The following SULF1 variants were observed in gnomAD, a reference collection of about 807,000 sequenced individuals.
SULF1 encodes sulfatase 1, also known as extracellular sulfatase Sulf-1.
A neutral mutation model predicts 110.5 loss-of-function variants in SULF1; 46 were observed. The observed-to-expected ratio is 0.42, with a 90% confidence interval of 0.33 to 0.53. The LOEUF is 0.53. Ranked by LOEUF, SULF1 falls within the 20% of genes least tolerant of loss-of-function variation. The pLI, the probability that SULF1 is intolerant of heterozygous loss-of-function variation, is 0.12. For missense variants in SULF1, 941 were observed against 1,094.2 expected, an observed-to-expected ratio of 0.86 and a Z score of 1.98; for synonymous variants, 371 against 387.1, an observed-to-expected ratio of 0.96 and a Z score of 0.49.
At chr8:69,507,737 T>A (rs1811294714) in intron 3 of SULF1, among the ~76,000 whole-genome samples, 1 of 152,178 alleles carries the variant, frequency 6.6e-6, no homozygotes. Context: ...GCAAAAAAAA[T>A]ATTTTTTAGT....
chr8:69,516,085 T>A (rs1192833410), intron 3 of SULF1, among the ~76,000 whole-genome samples: 1 of 152,222 alleles, frequency 6.6e-6, no homozygotes, highest in African/African-American at 2.4e-5. Flanking sequence ...CATTACCCAG[T>A]TCCAAAGTCA....
Position 69,600,699 on chromosome 8 carries a change from T to G in SULF1, c.831T>G (p.Ile277Met). 4 of 1,614,062 alleles carry G rather than the reference T, an allele frequency of 2.5e-6. No individual in the cohort carries two copies. Among genetic ancestry groups the G allele is most frequent in the Non-Finnish European group, 3.4e-6 (4 of 1,179,956 alleles). The change falls in exon 9 of 23, where the codon ATT becomes ATG. Residue 277 changes from isoleucine (I) to methionine (M), a missense_variant. Ile to Met is a conservative substitution (Grantham distance 10). Coordinates refer to ENST00000402687, the MANE Select transcript of SULF1 (RefSeq NM_001128205.2). ...MLPIHMEFTN[I>M]LQRKRLQTLM... ...CCATCCACATGGAATTTACAAACAT[T>G]CTACAGCGCAAAAGGCTCCAGACTT... is the stretch of plus-strand genomic sequence containing the variant.
chr8:69,641,023 A>T lies in SULF1; in HGVS notation c.2585+182A>T, dbSNP rs1241256501. The stretch of plus-strand genomic sequence containing the variant: ...TCACAGAACTGTCATTTTGCTTTTA[A>T]ATCAGCTCACTGTCCCATCAAGATG... On this transcript the variant is annotated intron_variant, in intron 22 of 22. Transcript: ENST00000402687. 4 of 491,746 alleles carry T rather than the reference A, an allele frequency of 8.1e-6. No individual in the cohort carries two copies. In the South Asian group the frequency reaches 1.2e-4, roughly 15 times the overall value. The allele number at this position is 491,746 out of a possible 1,614,324, so 30.5% of individuals were successfully genotyped here. A position where few individuals can be genotyped will look rare whatever the true frequency, so the allele number is the denominator to read the frequency against.
At chr8:69,498,529 T>C (rs1376135526) in intron 2 of SULF1, among the ~76,000 whole-genome samples, 3 of 152,242 alleles carry the variant, frequency 2.0e-5, no homozygotes, top group African/African-American at 7.2e-5. Flanking sequence ...TGAGGGATCC[T>C]GAAACCTGAC....
intron 3 of SULF1, among the ~76,000 whole-genome samples, chr8:69,523,905 G>A (rs1018368125): frequency 2.6e-5 from 4 of 152,060 alleles, no homozygotes; most frequent in African/African-American, 9.7e-5. Flanking sequence ...GAGTGGCTTG[G>A]GGAGAGGAGG....
intron 13 of SULF1, among the ~76,000 whole-genome samples, chr8:69,616,851 C>T (rs548443466): frequency 3.3e-5 from 5 of 152,052 alleles, no homozygotes; most frequent in African/African-American, 1.2e-4. Context: ...CCACACCCGG[C>T]CTCAAGAATA....
At chr8:69,510,868 C>T (rs1313846809) in intron 3 of SULF1, among the ~76,000 whole-genome samples, 1 of 151,950 alleles carries the variant, frequency 6.6e-6, no homozygotes, top group East Asian at 1.9e-4. Context: ...CCACCCACCT[C>T]AGACTCCCAA....
chr8:69,524,057 A>G (rs1250056647), intron 3 of SULF1, among the ~76,000 whole-genome samples: 1 of 152,148 alleles, frequency 6.6e-6, no homozygotes, highest in African/African-American at 2.4e-5. Flanking sequence ...TCCTAGGGTC[A>G]GTCAATAACT....
In SULF1 at chr8:69,601,797, T is replaced by A. The variant is rs1393389615; in HGVS notation, c.1029T>A (p.Phe343Leu). The change falls in exon 10 of 23, where the codon TTT becomes TTA. Residue 343 changes from phenylalanine (F) to leucine (L), a missense_variant. By Grantham distance (22) the Phe-to-Leu change is conservative. Around this residue, in one of 3 missense-constraint regions of SULF1, gnomAD observed 822 missense variants for 934.3 expected, o/e 0.88. Coordinates refer to ENST00000402687, the MANE Select transcript of SULF1 (RefSeq NM_001128205.2). ...PYDFDIRVPF[F>L]IRGPSVEPGS... ...ACTTTGATATTCGTGTGCCTTTTTT[T>A]ATTCGTGGTCCAAGTGTAGAACCAG... 5 of 1,611,056 alleles carry A rather than the reference T, an allele frequency of 3.1e-6. No individual in the cohort carries two copies. The South Asian group carries it at 4.4e-5, about 14-fold the overall frequency.
intron 3 of SULF1, among the ~76,000 whole-genome samples, chr8:69,553,499 A>T (rs1814874584): frequency 6.6e-6 from 1 of 152,266 alleles, no homozygotes; most frequent in Non-Finnish European, 1.5e-5. Flanking sequence ...AGCCAGACTT[A>T]GTAGACTTCT....
At chr8:69,611,751 C>T (rs1007959298) in intron 13 of SULF1, among the ~76,000 whole-genome samples, 4 of 152,162 alleles carry the variant, frequency 2.6e-5, no homozygotes, top group African/African-American at 7.2e-5. Context: ...AAATCCATGT[C>T]ATAAGACATA....
rs536821792 is a variant in SULF1 at position 69,582,320 on chromosome 8, A to T, written c.413-4037A>T. ...ATATTTTCAAGTGCACAAGTGCAGAACTCTAGTGCGAGATTTCCTTACACT... is the reference window on the plus strand; with the variant it reads ...ATATTTTCAAGTGCACAAGTGCAGATCTCTAGTGCGAGATTTCCTTACACT... On this transcript the variant is annotated intron_variant, in intron 6 of 22. Transcript: ENST00000402687. 1.4e-4 allele frequency among the ~76,000 whole-genome samples: 21 copies of T among 152,340 alleles called. 1 individual carries two copies. Among genetic ancestry groups the T allele is most frequent in the Admixed American group, 5.2e-4 (8 of 15,304 alleles).
intron 3 of SULF1, among the ~76,000 whole-genome samples, chr8:69,529,031 A>G (rs1812896248): frequency 6.6e-6 from 1 of 152,158 alleles, no homozygotes; most frequent in Non-Finnish European, 1.5e-5. Context: ...TCCTAAGTGT[A>G]TTACATATAC....
intron 12 of SULF1, among the ~76,000 whole-genome samples, chr8:69,604,476 T>A (rs1274738174): frequency 6.6e-6 from 1 of 152,200 alleles, no homozygotes; most frequent in Non-Finnish European, 1.5e-5. Flanking sequence ...TGTACATAAA[T>A]TAGGAGAGAG....
intron 5 of SULF1, among the ~76,000 whole-genome samples, chr8:69,564,459 T>C (rs1254800615): frequency 6.6e-6 from 1 of 152,160 alleles, no homozygotes; most frequent in Non-Finnish European, 1.5e-5. Flanking sequence ...GTAAAAATAT[T>C]TGGGCAAAGT....
chr8:69,629,060 G>A (rs973252079), intron 18 of SULF1, among the ~76,000 whole-genome samples: 2 of 152,186 alleles, frequency 1.3e-5, no homozygotes, highest in African/African-American at 4.8e-5. Flanking sequence ...TCGAGACAGA[G>A]TCTCACTCTT....
At chr8:69,658,452 A>T in intron 22 of SULF1, 53 bp from the exon 23 acceptor site, 6 of 1,330,692 alleles carry the variant, frequency 4.5e-6, no homozygotes, top group Non-Finnish European at 6.2e-6. Flanking sequence ...TTGTCCAGGT[A>T]AGTAGAAAGC....
chr8:69,534,294 T>A (rs545862770), intron 3 of SULF1, among the ~76,000 whole-genome samples: 1 of 152,370 alleles, frequency 6.6e-6, no homozygotes, highest in African/African-American at 2.4e-5. Context: ...GTCTTTAATA[T>A]AATATTACAT....
intron 3 of SULF1, among the ~76,000 whole-genome samples, chr8:69,519,173 G>T (rs1368020351): frequency 6.6e-6 from 1 of 152,112 alleles, no homozygotes; most frequent in African/African-American, 2.4e-5. Flanking sequence ...GGAAAAATAA[G>T]TCCCACCACA....
Sources: allele counts gnomAD v4.1 joint callset (sites outside exome capture counted in the v4.1 genomes callset), GRCh38; gene constraint gnomAD v4.1.1; regional missense constraint gnomAD v4.1.1; transcripts MANE v1.5; gene names NCBI Gene and HGNC (gene_info 2026-07-23, HGNC 2026-07-21).